SPEF2: variants seen among roughly 807,000 people sequenced by gnomAD.
SPEF2 encodes sperm flagellar and cilia associated 2.
A neutral mutation model predicts 224.6 loss-of-function variants in SPEF2; 187 were observed. The ratio of observed to expected loss-of-function variants is 0.83; its 90% CI spans 0.74 to 0.94. The LOEUF (loss-of-function observed/expected upper bound fraction) is 0.94. Among genes scored for constraint, SPEF2 ranks in the 40% least tolerant of loss-of-function variants. The pLI, the probability that SPEF2 is intolerant of heterozygous loss-of-function variation, is 0.00. For synonymous variants in SPEF2, 715 were observed against 707.3 expected (o/e 1.01, Z -0.17); for missense variants, 2,170 against 2,135.6 (o/e 1.02, Z -0.32).
chr5:35,690,843 T>C (rs1432305517), intron 10 of SPEF2, among the ~76,000 whole-genome samples, 194 bp from the exon 11 acceptor site: 1 of 152,158 alleles, frequency 6.6e-6, no homozygotes, highest in Admixed American at 6.5e-5. Flanking sequence ...TTTCTTTGCT[T>C]TTATGTAGAA....
At chr5:35,703,522 G>A (rs1739122220) in intron 16 of SPEF2, among the ~76,000 whole-genome samples, 2 of 152,012 alleles carry the variant, frequency 1.3e-5, no homozygotes, top group South Asian at 2.1e-4. Flanking sequence ...AGCCATTCAG[G>A]GTGATCACAA....
At chr5:35,742,618 A>T (rs1190120982) in intron 23 of SPEF2, among the ~76,000 whole-genome samples, 1 of 151,968 alleles carries the variant, frequency 6.6e-6, no homozygotes, top group Non-Finnish European at 1.5e-5. Flanking sequence ...TCAATTTACA[A>T]TGGAAGTTGA....
At chr5:35,717,807 C>T (rs1742877818) in intron 20 of SPEF2, among the ~76,000 whole-genome samples, 2 of 152,140 alleles carry the variant, frequency 1.3e-5, no homozygotes, top group South Asian at 4.1e-4. Context: ...CCCCCTGCCA[C>T]CTGGTTGTCT....
chr5:35,723,898 C>G (rs963084745), intron 20 of SPEF2, among the ~76,000 whole-genome samples: 5 of 152,126 alleles, frequency 3.3e-5, no homozygotes, highest in African/African-American at 1.2e-4. Context: ...AAGGTTGATG[C>G]CACACATACA....
rs533099235 is a variant in SPEF2, at chr5:35,794,768, A to C, written c.4738-935A>C. 3.3e-5 allele frequency among the ~76,000 whole-genome samples: 5 copies of C among 152,342 alleles called. No individual in the cohort carries two copies. In the South Asian group the frequency reaches 1.0e-3, roughly 32 times the overall value. On this transcript the variant is annotated intron_variant, in intron 32 of 36. Coordinates refer to ENST00000356031, the MANE Select transcript of SPEF2 (RefSeq NM_024867.4). The stretch of plus-strand genomic sequence containing the variant: ...ATTTTCACCAAAGTGCTGAGCTAAA[A>C]CCAGAAAACTATTTTACCAAAGGTG...
intron 23 of SPEF2, among the ~76,000 whole-genome samples, chr5:35,752,433 CAT>C (rs1749807801): frequency 6.6e-6 from 1 of 151,998 alleles, no homozygotes; most frequent in Non-Finnish European, 1.5e-5. Flanking sequence ...GGACTACAGA[CAT>C]GTGCCACCAT....
rs79509380 is a variant in SPEF2 at position 35,755,282 on chromosome 5, C to T, written c.3468+1521C>T. ...TAGACCAGTCTTGATAGCATCCCCACGACATTGGTTTGGGCAAGCAAAAAT... is the reference window on the plus strand; with the variant it reads ...TAGACCAGTCTTGATAGCATCCCCATGACATTGGTTTGGGCAAGCAAAAAT... On this transcript the variant is annotated intron_variant, in intron 24 of 36. Transcript: ENST00000356031. Among the ~76,000 whole-genome samples, 1,196 of 152,288 alleles carry T rather than the reference C, an allele frequency of 7.9e-3. 8 individuals carry two copies. Among genetic ancestry groups the T allele is most frequent in the Middle Eastern group, 0.014 (4 of 294 alleles).
intron 2 of SPEF2, among the ~76,000 whole-genome samples, chr5:35,637,087 G>T (rs945429962): frequency 6.6e-6 from 1 of 152,072 alleles, no homozygotes. Flanking sequence ...TAAACTGCTG[G>T]TTTTTATAGC....
chr5:35,718,104 A>G (rs1408844835), intron 20 of SPEF2, among the ~76,000 whole-genome samples: 1 of 152,186 alleles, frequency 6.6e-6, no homozygotes, highest in Non-Finnish European at 1.5e-5. Flanking sequence ...GGACAGCTCA[A>G]GAATTCTGAG....
intron 1 of SPEF2, among the ~76,000 whole-genome samples, chr5:35,622,703 A>C (rs1221448178): frequency 1.3e-5 from 2 of 152,312 alleles, no homozygotes; most frequent in East Asian, 3.9e-4. Flanking sequence ...ACAGATTTTG[A>C]TATTTCCTGG....
In SPEF2 at chr5:35,668,383, G is replaced by T. The variant is rs151213805; in HGVS notation, c.1355+1124G>T. 2.0e-5 allele frequency among the ~76,000 whole-genome samples: 3 copies of T among 152,108 alleles called. No homozygotes were observed. The East Asian group carries it at 5.8e-4, about 29-fold the overall frequency. On this transcript the variant is annotated intron_variant, in intron 9 of 36. Coordinates refer to ENST00000356031, the MANE Select transcript of SPEF2 (RefSeq NM_024867.4). Reference sequence around the variant, plus strand: ...ATGAATCTCCAGATACTTAGGCTGCGTGGGAAAGAGCCAGTCTCAAAATGT... The same window carrying T: ...ATGAATCTCCAGATACTTAGGCTGCTTGGGAAAGAGCCAGTCTCAAAATGT...
intron 20 of SPEF2, among the ~76,000 whole-genome samples, chr5:35,722,611 A>C (rs1743912388): frequency 7.3e-6 from 1 of 136,628 alleles, no homozygotes; most frequent in Admixed American, 7.3e-5. Flanking sequence ...CATTAGGTAT[A>C]TCTCCCAATG....
intron 15 of SPEF2, 200 bp downstream of exon 15, chr5:35,697,993 TG>T (rs1190727017): frequency 1.2e-5 from 5 of 414,470 alleles, no homozygotes; most frequent in Non-Finnish European, 2.2e-5. Context: ...ATACCAAGCT[TG>T]ACTTCTTTTA....
chr5:35,692,101 T>C (rs991204424), intron 11 of SPEF2, among the ~76,000 whole-genome samples: 5 of 152,000 alleles, frequency 3.3e-5, no homozygotes, highest in African/African-American at 1.2e-4. Flanking sequence ...CCCAGCCTTA[T>C]CACGTTTTTT....
intron 12 of SPEF2, 85 bp from the exon 13 acceptor site, chr5:35,694,202 AC>A: frequency 1.0e-6 from 1 of 999,480 alleles, no homozygotes; most frequent in African/African-American, 1.6e-5. Context: ...TTGTTCTCAA[AC>A]CTTTACTTAT....
rs187071995 is a variant in SPEF2, at chr5:35,720,724, A to T, written c.2915-6951A>T. Among the ~76,000 whole-genome samples the T allele has an allele frequency of 4.5e-3, 692 of 152,298 alleles. 6 individuals are homozygous for T. The highest frequency in any genetic ancestry group is 0.016 in the African/African-American group (675 of 41,558). On this transcript the variant is annotated intron_variant, in intron 20 of 36. Coordinates refer to ENST00000356031, the MANE Select transcript of SPEF2 (RefSeq NM_024867.4). ...CAGTTTTGGAACATATATTAGCATT[A>T]TTCATCAAGATATAACCTAAAGAAG...
At chr5:35,732,572 T>G (rs1010989640) in intron 21 of SPEF2, among the ~76,000 whole-genome samples, 3 of 152,206 alleles carry the variant, frequency 2.0e-5, no homozygotes, top group Non-Finnish European at 4.4e-5. Flanking sequence ...CTTTTAGAAC[T>G]ATTTGGAGCC....
chr5:35,765,044 C>T (rs1405603554), intron 26 of SPEF2, among the ~76,000 whole-genome samples: 1 of 152,126 alleles, frequency 6.6e-6, no homozygotes, highest in Non-Finnish European at 1.5e-5. Context: ...TCATTCTTTG[C>T]TCCTTCCCAT....
chr5:35,676,053 T>C (rs989747395), intron 10 of SPEF2: 4 of 454,528 alleles, frequency 8.8e-6, no homozygotes, highest in African/African-American at 8.0e-5. Context: ...TTCAAGACGT[T>C]AGACCAGAAT....
Sources: gnomAD v4.1 joint callset for allele counts (sites outside exome capture counted in the v4.1 genomes callset) on GRCh38, gnomAD v4.1.1 for gene constraint, MANE v1.5 for transcripts, NCBI Gene and HGNC (gene_info 2026-07-23, HGNC 2026-07-21) for gene names.